The following ZC2HC1C variants were observed in gnomAD, a reference collection of about 807,000 sequenced individuals.
ZC2HC1C encodes zinc finger C2HC domain-containing protein 1C.
ZC2HC1C carries 25 observed loss-of-function variants against 39.2 expected under a neutral mutation model. The ratio of observed to expected loss-of-function variants is 0.64; its 90% confidence interval spans 0.47 to 0.89. The LOEUF (loss-of-function observed/expected upper bound fraction) is 0.89. ZC2HC1C is among the 40% of genes least tolerant of loss of function. ZC2HC1C has a pLI of 0.00. For synonymous variants in ZC2HC1C, 209 were observed against 214.4 expected (o/e 0.97, Z 0.22); for missense variants, 519 against 548.6 (o/e 0.95, Z 0.54).
In ZC2HC1C at chr14:75,070,915, A is replaced by G. The variant is rs772741174; in HGVS notation, c.342A>G (p.Gln114=). 8.7e-6 allele frequency: 14 copies of G among 1,614,056 alleles called. No individual in the cohort carries two copies. The Admixed American group carries it at 1.2e-4, about 13-fold the overall frequency. The change falls in exon 2 of 3, where the codon CAA becomes CAG. Residue 114 remains glutamine (Q), a synonymous_variant. Transcript: ENST00000524913. ...GNGLFYSSGP[Q]SWYPKANNQD... ...GTTTGTTTTACTCGTCAGGCCCTCA[A>G]TCCTGGTATCCCAAAGCCAATAACC...
intron 2 of ZC2HC1C, chr14:75,073,655 T>G (rs1431305593): frequency 7.8e-7 from 1 of 1,285,296 alleles, no homozygotes; most frequent in Non-Finnish European, 1.0e-6. Flanking sequence ...CTGGTATCCT[T>G]TAATCTTCAC....
intron 2 of ZC2HC1C, among the ~76,000 whole-genome samples, chr14:75,073,077 T>C (rs1466932371): frequency 1.3e-5 from 2 of 152,224 alleles, no homozygotes; most frequent in African/African-American, 2.4e-5. Flanking sequence ...TTACAGTTTC[T>C]GTGTATTTGC....
Position 75,070,770 on chromosome 14 carries a change from A to G in ZC2HC1C, c.197A>G (p.Asp66Gly). ...TTGAGCAACAAAGAGTTGATTCTGG[A>G]TAAAGTCTATACTCACCCCAAATGG... ...QLLSNKELIL[D>G]KVYTHPKWNT... Residue 66 changes from aspartate to glycine, a missense_variant, in exon 2 of 3, where the codon GAT becomes GGT. Transcript: ENST00000524913. 1 of 1,614,240 alleles carries G rather than the reference A, an allele frequency of 6.2e-7. No individual in the cohort carries two copies. The highest frequency in any genetic ancestry group is 8.5e-7 in the Non-Finnish European group (1 of 1,180,046).
Position 75,079,699 on chromosome 14 carries a change from TG to T in ZC2HC1C, c.*2138del, listed in dbSNP as rs1209404670. The T allele has an allele frequency of 6.6e-6, 1 of 152,180 alleles. No individual in the cohort carries two copies. The highest frequency in any genetic ancestry group is 1.9e-4 in the East Asian group (1 of 5,192). The allele number at this position is 152,180 out of a possible 1,614,324, so 9.4% of individuals were successfully genotyped here. ...GAAAAACTGGAAGTTCTGGAAACAC[TG>T]GGCCAGCAACCCGCATGGCACAAAT... On this transcript the variant is annotated 3_prime_UTR_variant, in exon 3 of 3. Coordinates refer to ENST00000524913, the MANE Select transcript of ZC2HC1C (RefSeq NM_024643.4).
chr14:75,076,750 G>T (rs1413535520), intron 2 of ZC2HC1C, among the ~76,000 whole-genome samples: 1 of 121,982 alleles, frequency 8.2e-6, no homozygotes, highest in Non-Finnish European at 1.8e-5. Context: ...CACCTGCCTT[G>T]TTGCTGCCTC....
rs771351674 is a variant in ZC2HC1C, at chr14:75,070,759, G to T, written c.186G>T (p.Glu62Asp). Residue 62 changes from glutamate to aspartate, a missense_variant, in exon 2 of 3, where the codon GAG (glutamate) becomes GAT (aspartate). Physicochemically the swap from Glu to Asp is conservative, Grantham distance 45. Coordinates refer to ENST00000524913, the MANE Select transcript of ZC2HC1C (RefSeq NM_024643.4). Reference protein sequence around the residue: ...NFQKQLLSNKELILDKVYTHP... With the variant: ...NFQKQLLSNKDLILDKVYTHP... ...AGAAGCAGCTTTTGAGCAACAAAGA[G>T]TTGATTCTGGATAAAGTCTATACTC... 1.9e-6 allele frequency: 3 copies of T among 1,614,092 alleles called. No individual in the cohort carries two copies. The highest frequency in any genetic ancestry group is 2.7e-5 in the African/African-American group (2 of 74,924).
rs1893322360 is a variant in ZC2HC1C at position 75,070,616 on chromosome 14, G to T, written c.43G>T (p.Val15Phe). 6.2e-7 allele frequency: 1 copy of T among 1,613,902 alleles called. No homozygotes were observed. ...GTTGGCGTCACATCTGCCTGTGGGCGTTATGCTCCCACATAATACAACGGA... is the reference window on the plus strand; with the variant it reads ...GTTGGCGTCACATCTGCCTGTGGGCTTTATGCTCCCACATAATACAACGGA... ...QRLASHLPVG[V>F]MLPHNTTEAP... Residue 15 changes from valine (V) to phenylalanine (F), a missense_variant, in exon 2 of 3, where the codon GTT (valine) becomes TTT (phenylalanine). Transcript: ENST00000524913.
chr14:75,070,983 G>A lies in ZC2HC1C; in HGVS notation c.410G>A (p.Arg137Gln), dbSNP rs1455782980. ...ACAAAGAAACGAGTTGGAGTGGACC[G>A]GGCGTTCCCATTGAAACCCATGGTC... ...PFTKKRVGVD[R>Q]AFPLKPMVHR... The change falls in exon 2 of 3, where the codon CGG (arginine) becomes CAG (glutamine). Residue 137 changes from arginine (R) to glutamine (Q), a missense_variant. Coordinates refer to ENST00000524913, the MANE Select transcript of ZC2HC1C (RefSeq NM_024643.4). 1.9e-6 allele frequency: 3 copies of A among 1,614,022 alleles called. No homozygotes were observed. Among genetic ancestry groups the A allele is most frequent in the African/African-American group, 1.3e-5 (1 of 74,906 alleles).
intron 2 of ZC2HC1C, chr14:75,073,756 A>C (rs535960499): frequency 8.7e-5 from 43 of 492,194 alleles, no homozygotes; most frequent in Middle Eastern, 3.4e-4. Flanking sequence ...GTGCTTAATA[A>C]GTGTTAACTG....
intron 2 of ZC2HC1C, 78 bp downstream of exon 2, chr14:75,071,989 G>A: frequency 2.7e-6 from 4 of 1,499,310 alleles, no homozygotes; most frequent in Non-Finnish European, 3.6e-6. Context: ...GTTTTCTTTA[G>A]GGAAAATTCA....
In ZC2HC1C at chr14:75,077,845, T is replaced by C; in HGVS notation, c.*281T>C. On this transcript the variant is annotated 3_prime_UTR_variant, in exon 3 of 3. Transcript: ENST00000524913. Reference sequence around the variant, plus strand: ...ATAGTTCAGAAAGCTCTGCTTCTCTTCAGCAGTAAATGGGAGTAGAATTTG... The same window carrying C: ...ATAGTTCAGAAAGCTCTGCTTCTCTCCAGCAGTAAATGGGAGTAGAATTTG... 1 of 396,688 alleles carries C rather than the reference T, an allele frequency of 2.5e-6. No homozygotes were observed. The highest frequency in any genetic ancestry group is 4.6e-6 in the Non-Finnish European group (1 of 218,750). 24.6% of individuals were successfully genotyped at this position (396,688 alleles called of 1,614,324 possible). A position where few individuals can be genotyped will look rare whatever the true frequency, so the allele number is the denominator to read the frequency against.
At position 75,078,320 on chromosome 14, in the gene ZC2HC1C, A is replaced by G. The variant is rs1257311506; in HGVS notation, c.*756A>G. 6.6e-6 allele frequency: 1 copy of G among 152,288 alleles called. No homozygotes were observed. Among genetic ancestry groups the G allele is most frequent in the East Asian group, 1.9e-4 (1 of 5,190 alleles). 9.4% of individuals were successfully genotyped at this position (152,288 alleles called of 1,614,324 possible). On this transcript the variant is annotated 3_prime_UTR_variant, in exon 3 of 3. Transcript: ENST00000524913. ...AATCTATCCTTGGTCTCCCTGGTGC[A>G]TAAGCCTGGCCAAAACCCAATACAA... is the stretch of plus-strand genomic sequence containing the variant.
At position 75,071,744 on chromosome 14, in the gene ZC2HC1C, T is replaced by C. The variant is rs778191315; in HGVS notation, c.1171T>C (p.Cys391Arg). 1.2e-6 allele frequency: 2 copies of C among 1,614,086 alleles called. No homozygotes were observed. Among genetic ancestry groups the C allele is most frequent in the Non-Finnish European group, 1.7e-6 (2 of 1,180,010 alleles). The change falls in exon 2 of 3, where the codon TGC becomes CGC. Residue 391 changes from cysteine (C) to arginine (R), a missense_variant. Cys to Arg is a radical substitution (Grantham distance 180, BLOSUM62 -3). Transcript: ENST00000524913. ...GSIEEPQLGE[C>R]SHCGRKFLSF... Reference sequence around the variant, plus strand: ...CATTGAAGAGCCACAGCTGGGTGAGTGCAGCCACTGTGGGCGCAAATTCCT... The same window carrying C: ...CATTGAAGAGCCACAGCTGGGTGAGCGCAGCCACTGTGGGCGCAAATTCCT...
chr14:75,074,610 C>T (rs778021635), intron 2 of ZC2HC1C, among the ~76,000 whole-genome samples: 40 of 151,464 alleles, frequency 2.6e-4, no homozygotes, highest in South Asian at 1.3e-3. Flanking sequence ...GAGTCTCTGT[C>T]GCCCAGGCTG....
chr14:75,073,536 A>G, intron 2 of ZC2HC1C: 1 of 1,284,076 alleles, frequency 7.8e-7, no homozygotes, highest in Non-Finnish European at 1.0e-6. Context: ...ATGCACCTGC[A>G]CCACCCTGGT....
intron 2 of ZC2HC1C, 55 bp from the exon 3 acceptor site, chr14:75,077,477 C>T (rs1392030704): frequency 1.9e-6 from 3 of 1,606,512 alleles, no homozygotes; most frequent in Non-Finnish European, 2.6e-6. Flanking sequence ...CTACAAGAGA[C>T]TCAGGAAGGA....
chr14:75,075,072 AAATT>A (rs1333997140), intron 2 of ZC2HC1C, among the ~76,000 whole-genome samples: 1 of 152,196 alleles, frequency 6.6e-6, no homozygotes, highest in Non-Finnish European at 1.5e-5. Context: ...CATGTACCTA[AAATT>A]AATAATGGAC....
At position 75,078,322 on chromosome 14, in the gene ZC2HC1C, A is replaced by G. The variant is rs175493; in HGVS notation, c.*758A>G. Reference sequence around the variant, plus strand: ...TCTATCCTTGGTCTCCCTGGTGCATAAGCCTGGCCAAAACCCAATACAAGT... The same window carrying G: ...TCTATCCTTGGTCTCCCTGGTGCATGAGCCTGGCCAAAACCCAATACAAGT... On this transcript the variant is annotated 3_prime_UTR_variant, in exon 3 of 3. Transcript: ENST00000524913. 0.98 allele frequency: 149,342 copies of G among 152,290 alleles called. 73,280 individuals are homozygous for G. The highest frequency in any genetic ancestry group is 1 in the East Asian group (5,178 of 5,178). 9.4% of individuals were successfully genotyped at this position (152,290 alleles called of 1,614,324 possible). A position where few individuals can be genotyped will look rare whatever the true frequency, so the allele number is the denominator to read the frequency against.
chr14:75,073,780 T>C, intron 2 of ZC2HC1C: 3 of 384,754 alleles, frequency 7.8e-6, no homozygotes, highest in Non-Finnish European at 1.4e-5. Context: ...AGAATTTCAG[T>C]ACAATGAGGA....
Sources: gnomAD v4.1 joint callset for allele counts (sites outside exome capture counted in the v4.1 genomes callset) on GRCh38, gnomAD v4.1.1 for gene constraint, MANE v1.5 for transcripts, NCBI Gene and HGNC (gene_info 2026-07-23, HGNC 2026-07-21) for gene names.